The following POLD1 variants were observed in gnomAD, a reference collection of about 807,000 sequenced individuals.
POLD1 encodes DNA polymerase delta 1, catalytic subunit, also known as DNA polymerase delta catalytic subunit.
In POLD1, 79 loss-of-function variants were observed where a neutral mutation model predicts 129.7. The ratio of observed to expected loss-of-function variants is 0.61; its 90% CI spans 0.51 to 0.73. The LOEUF (loss-of-function observed/expected upper bound fraction) is 0.73. Ranked by LOEUF, POLD1 falls within the 30% of genes least tolerant of loss-of-function variation. The probability of loss-of-function intolerance (pLI) is 0.00; values close to 1 mark genes in which losing one functional copy is unlikely to be tolerated. For missense variants in POLD1, 1,338 were observed against 1,595.8 expected (o/e 0.84, Z 2.75); for synonymous variants, 714 against 683.3 (o/e 1.04, Z -0.70).
At position 50,402,748 on chromosome 19, in the gene POLD1, C is replaced by T. The variant is rs1277454071; in HGVS notation, c.970+7C>T. On this transcript the variant is annotated splice_region_variant and intron_variant, in intron 8 of 26. Coordinates refer to ENST00000440232, the MANE Select transcript of POLD1 (RefSeq NM_002691.4). ...GAGTGCGCCGGCCGCAAAGGTCTGT[C>T]CCCGGGCCCGGGCTCCTGCCCGCCT... 1.3e-6 allele frequency: 2 copies of T among 1,580,942 alleles called. No individual in the cohort carries two copies. Among genetic ancestry groups the T allele is most frequent in the African/African-American group, 1.3e-5 (1 of 74,268 alleles).
chr19:50,392,296 C>G (rs2038203579), intron 1 of POLD1, among the ~76,000 whole-genome samples: 1 of 152,006 alleles, frequency 6.6e-6, no homozygotes, highest in African/African-American at 2.4e-5. Context: ...TGGAGTCTCA[C>G]CATGTTGCCT....
chr19:50,386,009 G>T (rs982077359), intron 1 of POLD1, among the ~76,000 whole-genome samples: 1 of 152,340 alleles, frequency 6.6e-6, no homozygotes. Flanking sequence ...AAGGACAGGA[G>T]ATTTCAGTCC....
At chr19:50,403,243 AC>A in intron 9 of POLD1, 24 bp downstream of exon 9, 1 of 1,523,952 alleles carries the variant, frequency 6.6e-7, no homozygotes, top group Middle Eastern at 2.2e-4. Flanking sequence ...CACGCCCCAC[AC>A]CATTTCCCGG....
At position 50,406,378 on chromosome 19, in the gene POLD1, GCAGCCCAC is replaced by G. The variant is rs1568626490; in HGVS notation, c.1384-19_1384-12del. 4 of 1,609,238 alleles carry G rather than the reference GCAGCCCAC, an allele frequency of 2.5e-6. No homozygotes were observed. Among genetic ancestry groups the G allele is most frequent in the South Asian group, 1.1e-5 (1 of 90,724 alleles). Reference sequence around the variant, plus strand: ...CCTTGGAAGGCCACTGCCCAGGCCCGCAGCCCACCAGCCCACCCACCCACCTAGGTGCT... The same window carrying G: ...CCTTGGAAGGCCACTGCCCAGGCCCGCAGCCCACCCACCCACCTAGGTGCT... On this transcript the variant is annotated intron_variant, in intron 11 of 26. Coordinates refer to ENST00000440232, the MANE Select transcript of POLD1 (RefSeq NM_002691.4). This position sits in a 1 kb window ranked among gnomAD's most constrained non-coding sequence, Gnocchi z 5.5.
chr19:50,391,774 G>A lies in POLD1; in HGVS notation c.-1-7077G>A, dbSNP rs968746619. 5.9e-5 allele frequency among the ~76,000 whole-genome samples: 9 copies of A among 152,120 alleles called. No homozygotes were observed. The South Asian group carries it at 8.3e-4, about 14-fold the overall frequency. ...GTTGCCCGGGCTGGAGTGCAATGGC[G>A]CAATCTTGGCTCACTGCAACCTCCG... On this transcript the variant is annotated intron_variant, in intron 1 of 26. Transcript: ENST00000440232.
chr19:50,413,920 A>G (rs748339881), intron 19 of POLD1, 41 bp downstream of exon 19: 11 of 1,542,250 alleles, frequency 7.1e-6, no homozygotes, highest in Non-Finnish European at 1.8e-6. Context: ...AGGTGCCCTC[A>G]TCAGGGTACT....
intron 1 of POLD1, among the ~76,000 whole-genome samples, chr19:50,396,297 C>G (rs2038363784): frequency 1.3e-5 from 2 of 151,576 alleles, no homozygotes; most frequent in Non-Finnish European, 2.9e-5. Context: ...CCATGTTGAC[C>G]AGGCTGGTCT....
intron 17 of POLD1, among the ~76,000 whole-genome samples, chr19:50,412,186 T>C (rs2039109528): frequency 6.6e-6 from 1 of 152,146 alleles, no homozygotes; most frequent in South Asian, 2.1e-4. Flanking sequence ...GGAGTCTTGC[T>C]CTGTCACCCA....
chr19:50,399,000 TGCAGGA>T lies in POLD1; in HGVS notation c.157_162del (p.Gln53_Glu54del), dbSNP rs760207160. ...GAGGAGATGGAGGCAGAACACAGGC[TGCAGGA>T]GCAGGAGGAGGAGGAGCTGCAGTCA... On this transcript the variant is annotated inframe_deletion, in exon 2 of 27. Transcript: ENST00000440232. 4 of 1,566,200 alleles carry T rather than the reference TGCAGGA, an allele frequency of 2.6e-6. No homozygotes were observed. The highest frequency in any genetic ancestry group is 4.7e-5 in the East Asian group (2 of 42,862).
intron 1 of POLD1, among the ~76,000 whole-genome samples, chr19:50,393,251 C>G (rs2038232727): frequency 6.6e-6 from 1 of 152,156 alleles, no homozygotes; most frequent in Non-Finnish European, 1.5e-5. Context: ...ATACCCTTCC[C>G]AGTCTCTCCT....
At chr19:50,403,011 T>G (rs2122266589) in intron 8 of POLD1, 42 bp from the exon 9 acceptor site, 9 of 1,547,282 alleles carry the variant, frequency 5.8e-6, no homozygotes, top group Non-Finnish European at 7.9e-6. Context: ...GTGTTGGGAG[T>G]GAGGGGCAGG....
In POLD1 at chr19:50,417,913, G is replaced by A. The variant is rs375328523; in HGVS notation, c.3290G>A (p.Arg1097Gln). The A allele has an allele frequency of 2.4e-5, 39 of 1,611,248 alleles. No individual in the cohort carries two copies. In the South Asian group the frequency reaches 2.8e-4, roughly 11 times the overall value. The change falls in exon 27 of 27, where the codon CGG (arginine) becomes CAG (glutamine). Residue 1097 changes from arginine to glutamine, a missense_variant. Physicochemically the swap from Arg to Gln is conservative, Grantham distance 43. Around this residue, in one of 3 missense-constraint regions of POLD1, gnomAD observed 286 missense variants for 277.5 expected, o/e 1.03. Coordinates refer to ENST00000440232, the MANE Select transcript of POLD1 (RefSeq NM_002691.4). Reference protein sequence around the residue: ...KDLEDQEQLLRRFGPPGPEAW With the variant: ...KDLEDQEQLLQRFGPPGPEAW Reference sequence around the variant, plus strand: ...CTGGAAGACCAGGAGCAGCTCCTGCGGCGCTTCGGACCCCCTGGACCTGAG... The same window carrying A: ...CTGGAAGACCAGGAGCAGCTCCTGCAGCGCTTCGGACCCCCTGGACCTGAG...
chr19:50,409,522 C>G lies in POLD1; in HGVS notation c.2010C>G (p.Ala670=), dbSNP rs1390351117. ...CTTTCCCCGTGTTCCCTCGCAGGGC[C>G]AAGGCCGAGCTGGCCAAGGAGACAG... The part of the protein sequence containing the change: ...LENLLSARKR[A]KAELAKETDP... The change falls in exon 17 of 27, where the codon GCC becomes GCG. Residue 670 remains alanine (A), a synonymous_variant. Coordinates refer to ENST00000440232, the MANE Select transcript of POLD1 (RefSeq NM_002691.4). The surrounding 1 kb of genome is among the most constrained non-coding windows in gnomAD (Gnocchi z 5.8). The G allele has an allele frequency of 3.1e-6, 5 of 1,613,570 alleles. No individual in the cohort carries two copies. The highest frequency in any genetic ancestry group is 4.2e-6 in the Non-Finnish European group (5 of 1,180,042).
In POLD1 at chr19:50,407,725, A is replaced by ATTT. The variant is rs571759517; in HGVS notation, c.1775+331_1775+333dup. Among the ~76,000 whole-genome samples, 1,207 of 95,266 alleles carry ATTT rather than the reference A, an allele frequency of 0.013. 39 individuals are homozygous for ATTT. The highest frequency in any genetic ancestry group is 0.05 in the African/African-American group (1,069 of 21,376). The allele number at this position is 95,266 out of a possible 152,430, so 62.5% of individuals were successfully genotyped here. A position where few individuals can be genotyped will look rare whatever the true frequency, so the allele number is the denominator to read the frequency against. On this transcript the variant is annotated intron_variant, in intron 14 of 26. Coordinates refer to ENST00000440232, the MANE Select transcript of POLD1 (RefSeq NM_002691.4). Reference sequence around the variant, plus strand: ...AGGCGCCCACCACCACGCCTGGCTAATTTTTTTTTTTTTTTTTTTTTTTGC... The same window carrying ATTT: ...AGGCGCCCACCACCACGCCTGGCTAATTTTTTTTTTTTTTTTTTTTTTTTTTGC...
chr19:50,402,968 C>A (rs2122265939), intron 8 of POLD1, 85 bp from the exon 9 acceptor site: 1 of 1,499,830 alleles, frequency 6.7e-7, no homozygotes, highest in Non-Finnish European at 9.0e-7. Flanking sequence ...GCGGGGACAG[C>A]CCCGGGGAGA....
intron 26 of POLD1, 73 bp downstream of exon 26, chr19:50,417,342 C>A: frequency 1.0e-6 from 1 of 1,000,378 alleles, no homozygotes; most frequent in Non-Finnish European, 1.5e-6. Context: ...GTGGACCCAA[C>A]CTCTGACTCC....
chr19:50,401,391 A>ATTTTTTTT (rs1203165864), intron 3 of POLD1, among the ~76,000 whole-genome samples: 8 of 65,990 alleles, frequency 1.2e-4, no homozygotes, highest in East Asian at 4.8e-4. Flanking sequence ...ATATATATAT[A>ATTTTTTTT]TTTTTTTTTT....
chr19:50,417,746 G>T lies in POLD1; in HGVS notation c.3219-96G>T, dbSNP rs572691136. On this transcript the variant is annotated intron_variant, in intron 26 of 26. Transcript: ENST00000440232. ...AGGGGGCGGGTGGGCTGGGCAGCAG[G>T]CGGGGACCAAAGTCCTGGGAACAGC... 8.5e-6 allele frequency: 6 copies of T among 702,162 alleles called. No homozygotes were observed. In the African/African-American group the frequency reaches 8.9e-5, roughly 10 times the overall value. 43.5% of individuals were successfully genotyped at this position (702,162 alleles called of 1,614,324 possible).
At chr19:50,416,867 C>G (rs1263779890) in intron 24 of POLD1, 144 bp downstream of exon 24, 25 of 944,304 alleles carry the variant, frequency 2.6e-5, no homozygotes, top group Non-Finnish European at 3.4e-5. Context: ...CTCCACCCCC[C>G]ACAGAGGGTC....
Sources: gnomAD v4.1 joint callset for allele counts (sites outside exome capture counted in the v4.1 genomes callset) on GRCh38, gnomAD v4.1.1 for gene constraint, gnomAD v4.1.1 regional missense constraint, Gnocchi (gnomAD v3.1) non-coding constraint, MANE v1.5 for transcripts, NCBI Gene and HGNC (gene_info 2026-07-23, HGNC 2026-07-21) for gene names.